Variants in CDCA7L observed in about 807,000 individuals in gnomAD.
CDCA7L encodes cell division cycle-associated 7-like protein.
Under a neutral mutation model 57.4 loss-of-function variants are expected in CDCA7L, and 44 were observed. The ratio of observed to expected loss-of-function variants is 0.77; its 90% CI spans 0.60 to 0.98. The LOEUF (loss-of-function observed/expected upper bound fraction) is 0.98. Among genes scored for constraint, CDCA7L ranks in the 50% least tolerant of loss-of-function variants. The pLI, the probability that CDCA7L is intolerant of heterozygous loss-of-function variation, is 0.00. For missense variants in CDCA7L, 644 were observed against 580.6 expected (o/e 1.11, Z -1.12); for synonymous variants, 236 against 202.8 (o/e 1.16, Z -1.39).
chr7:21,906,499 G>A (rs767998433), intron 5 of CDCA7L, 43 bp from the exon 6 acceptor site: 106 of 1,611,004 alleles, frequency 6.6e-5, no homozygotes, highest in Admixed American at 1.7e-4. Flanking sequence ...GGACTCTCTC[G>A]AATAAAAGCC....
intron 1 of CDCA7L, among the ~76,000 whole-genome samples, chr7:21,927,121 T>A (rs1476460210): frequency 6.6e-6 from 1 of 151,902 alleles, no homozygotes; most frequent in Non-Finnish European, 1.5e-5. Context: ...CAAAGACATA[T>A]AAAAAAGAAG....
chr7:21,914,900 TGTTCTG>T (rs1785433189), intron 2 of CDCA7L, among the ~76,000 whole-genome samples: 2 of 152,192 alleles, frequency 1.3e-5, no homozygotes, highest in African/African-American at 4.8e-5. Flanking sequence ...CAGAAGCAGC[TGTTCTG>T]TTTCTTAATG....
chr7:21,902,768 T>C (rs906832272), intron 9 of CDCA7L: 12 of 538,674 alleles, frequency 2.2e-5, no homozygotes, highest in East Asian at 1.9e-4. Flanking sequence ...TGGAGTTGAG[T>C]TGAAAAATCT....
chr7:21,903,049 G>C lies in CDCA7L; in HGVS notation c.1263C>G (p.Arg421=), dbSNP rs752004893. The C allele has an allele frequency of 1.9e-6, 3 of 1,614,056 alleles. No homozygotes were observed. Among genetic ancestry groups the C allele is most frequent in the Non-Finnish European group, 2.5e-6 (3 of 1,179,916 alleles). Residue 421 remains arginine, a synonymous_variant, in exon 9 of 10, where the codon CGC becomes CGG. Coordinates refer to ENST00000406877, the MANE Select transcript of CDCA7L (RefSeq NM_018719.5). ...NCSYCRKRDG[R]CATGILIHLA... ...GATGAATGAGGATTCCTGTGGCACA[G>C]CGGCCGTCACGCTTCCGACAGTAGC...
At chr7:21,918,439 C>G (rs1426683184) in intron 1 of CDCA7L, among the ~76,000 whole-genome samples, 1 of 152,168 alleles carries the variant, frequency 6.6e-6, no homozygotes, top group African/African-American at 2.4e-5. Context: ...TTTTTAAAAA[C>G]TTAGTTTATC....
intron 8 of CDCA7L, among the ~76,000 whole-genome samples, chr7:21,903,454 G>T (rs575100910): frequency 6.6e-6 from 1 of 152,266 alleles, no homozygotes; most frequent in South Asian, 2.1e-4. Context: ...AAAATATCAA[G>T]GTATGAATTT....
At chr7:21,931,359 G>A (rs528420599) in intron 1 of CDCA7L, among the ~76,000 whole-genome samples, 11 of 152,210 alleles carry the variant, frequency 7.2e-5, no homozygotes, top group African/African-American at 1.9e-4. Flanking sequence ...CCTGATGAAC[G>A]AAGATTTTCA....
Position 21,902,258 on chromosome 7 carries a change from C to CAATGGTATGCATG in CDCA7L, c.*51_*63dup, listed in dbSNP as rs1445615243. ...CTGTAAAAAAATCTTTCTTAGGCACCAATGGTATGCATGTCTTGTTGGAGT... is the reference window on the plus strand; with the variant it reads ...CTGTAAAAAAATCTTTCTTAGGCACCAATGGTATGCATGAATGGTATGCATGTCTTGTTGGAGT... On this transcript the variant is annotated 3_prime_UTR_variant, in exon 10 of 10. Transcript: ENST00000406877. 6.9e-7 allele frequency: 1 copy of CAATGGTATGCATG among 1,445,498 alleles called. No individual in the cohort carries two copies. Among genetic ancestry groups the CAATGGTATGCATG allele is most frequent in the Non-Finnish European group, 9.7e-7 (1 of 1,028,170 alleles). 89.5% of individuals were successfully genotyped at this position (1,445,498 alleles called of 1,614,324 possible).
At chr7:21,905,230 CA>C (rs963070138) in intron 7 of CDCA7L, among the ~76,000 whole-genome samples, 38 of 85,804 alleles carry the variant, frequency 4.4e-4, no homozygotes, top group African/African-American at 9.6e-4. Flanking sequence ...ATGCTTAAAC[CA>C]TTAACAGTTA....
chr7:21,944,313 T>C (rs1187979724), intron 1 of CDCA7L, among the ~76,000 whole-genome samples: 1 of 148,712 alleles, frequency 6.7e-6, no homozygotes, highest in Non-Finnish European at 1.5e-5. Flanking sequence ...TAGACAGGCG[T>C]GGTGGCGGGC....
Position 21,908,145 on chromosome 7 carries a change from C to G in CDCA7L, c.666G>C (p.Lys222Asn), listed in dbSNP as rs1052204522. 6.4e-7 allele frequency: 1 copy of G among 1,558,834 alleles called. No homozygotes were observed. Among genetic ancestry groups the G allele is most frequent in the Admixed American group, 2.1e-5 (1 of 47,882 alleles). Residue 222 changes from lysine (K) to asparagine (N), a missense_variant, in exon 4 of 10, where the codon AAG (lysine) becomes AAC (asparagine). By Grantham distance (94) the Lys-to-Asn change is moderately conservative (BLOSUM62 0). Transcript: ENST00000406877. ...DALLKRTMNI[K>N]ENKAMLAQLL... is the part of the protein sequence containing the mutation. Reference sequence around the variant, plus strand: ...GAAGCCTCACCATGGCTTTGTTCTCCTTGATGTTCATGGTCCTTTTCAGCA... The same window carrying G: ...GAAGCCTCACCATGGCTTTGTTCTCGTTGATGTTCATGGTCCTTTTCAGCA...
chr7:21,915,194 G>A (rs1415748276), intron 2 of CDCA7L, among the ~76,000 whole-genome samples: 1 of 152,268 alleles, frequency 6.6e-6, no homozygotes, highest in East Asian at 1.9e-4. Flanking sequence ...TCCTGGACGG[G>A]AGTCAAGGAG....
intron 1 of CDCA7L, among the ~76,000 whole-genome samples, chr7:21,934,858 G>T (rs903115181): frequency 1.3e-5 from 2 of 152,166 alleles, no homozygotes; most frequent in African/African-American, 4.8e-5. Flanking sequence ...TTCACTAGAA[G>T]ATAGAACAAT....
intron 2 of CDCA7L, among the ~76,000 whole-genome samples, chr7:21,914,653 G>A (rs1007337112): frequency 1.6e-4 from 25 of 152,184 alleles, no homozygotes; most frequent in African/African-American, 5.1e-4. Flanking sequence ...GAGACCCGGC[G>A]GGGTAAGAGG....
intron 1 of CDCA7L, among the ~76,000 whole-genome samples, chr7:21,944,449 C>CAAAAAAAA (rs59373889): frequency 0.087 from 5,287 of 60,874 alleles, 439 homozygotes; most frequent in Non-Finnish European, 0.093. Context: ...ACTCCGTCTC[C>CAAAAAAAA]AAAAAAAAAA....
intron 1 of CDCA7L, among the ~76,000 whole-genome samples, chr7:21,943,073 G>C (rs79836905): frequency 0.042 from 6,435 of 152,272 alleles, 292 homozygotes; most frequent in African/African-American, 0.11. Flanking sequence ...TCTCTCCTAC[G>C]GAGCTGCAGC....
At chr7:21,910,437 A>C (rs920483739) in intron 3 of CDCA7L, among the ~76,000 whole-genome samples, 1 of 152,124 alleles carries the variant, frequency 6.6e-6, no homozygotes, top group Non-Finnish European at 1.5e-5. Flanking sequence ...TATGCTCTAC[A>C]TTCTCTCCTA....
chr7:21,902,696 G>T, intron 9 of CDCA7L: 1 of 212,436 alleles, frequency 4.7e-6, no homozygotes, highest in Non-Finnish European at 9.5e-6. Flanking sequence ...AGCCTGCCTT[G>T]TTTGTTTGTT....
intron 4 of CDCA7L, among the ~76,000 whole-genome samples, chr7:21,907,216 G>A (rs1266575695): frequency 6.6e-6 from 1 of 152,050 alleles, no homozygotes; most frequent in Non-Finnish European, 1.5e-5. Context: ...TTATATGAGT[G>A]CCACCAAAAA....
Sources: gnomAD v4.1 joint callset for allele counts (sites outside exome capture counted in the v4.1 genomes callset) on GRCh38, gnomAD v4.1.1 for gene constraint, MANE v1.5 for transcripts, NCBI Gene and HGNC (gene_info 2026-07-23, HGNC 2026-07-21) for gene names.